The following ZNF566 variants were observed in gnomAD, a reference collection of about 807,000 sequenced individuals.
ZNF566 encodes the protein zinc finger protein 566.
A neutral mutation model predicts 32.8 loss-of-function variants in ZNF566; 27 were observed. That is an observed-to-expected ratio of 0.82 (90% CI 0.61 to 1.14). The LOEUF (loss-of-function observed/expected upper bound fraction) is 1.14, where lower values mean the gene tolerates loss of function less well. Among genes scored for constraint, ZNF566 ranks in the 50% most tolerant of loss-of-function variants. ZNF566 has a pLI of 0.00. For missense variants in ZNF566, 402 were observed against 490.4 expected (o/e 0.82, Z 1.70); for synonymous variants, 154 against 159.5 (o/e 0.97, Z 0.26).
intron 1 of ZNF566, among the ~76,000 whole-genome samples, chr19:36,485,791 C>T (rs549052044): frequency 1.3e-3 from 189 of 150,164 alleles, no homozygotes; most frequent in Non-Finnish European, 2.2e-3. Flanking sequence ...CGCGGTGGCT[C>T]ACGCCTGTAA....
At position 36,449,113 on chromosome 19, in the gene ZNF566, T is replaced by C; in HGVS notation, c.1121A>G (p.Lys374Arg). 6.2e-7 allele frequency: 1 copy of C among 1,614,158 alleles called. No homozygotes were observed. The highest frequency in any genetic ancestry group is 1.1e-5 in the South Asian group (1 of 91,078). ...AAGCTGTGAACTCTGAGAATAAGCC[T>C]TCCCACATATCTTACATTCATAGGG... ...EKPYECKICG[K>R]AYSQSSQLIS... Residue 374 changes from lysine to arginine, a missense_variant, in exon 5 of 5, where the codon AAG becomes AGG. Coordinates refer to ENST00000452939, the MANE Select transcript of ZNF566 (RefSeq NM_001145344.1).
At chr19:36,461,115 C>T (rs2033449804) in intron 4 of ZNF566, among the ~76,000 whole-genome samples, 1 of 152,162 alleles carries the variant, frequency 6.6e-6, no homozygotes, top group African/African-American at 2.4e-5. Flanking sequence ...GGGTTAAGTG[C>T]TTGTTAAATC....
At chr19:36,463,686 G>C (rs1230319761) in intron 4 of ZNF566, among the ~76,000 whole-genome samples, 1 of 150,480 alleles carries the variant, frequency 6.6e-6, no homozygotes, top group African/African-American at 2.5e-5. Flanking sequence ...GGGACAACAG[G>C]TGTGCGCCAC....
intron 4 of ZNF566, among the ~76,000 whole-genome samples, chr19:36,464,503 A>G (rs893352121): frequency 6.6e-6 from 1 of 151,806 alleles, no homozygotes; most frequent in Admixed American, 6.6e-5. Context: ...ATCTCATACT[A>G]TTCATAAAAA....
At chr19:36,450,488 T>G (rs186238892) in intron 4 of ZNF566, among the ~76,000 whole-genome samples, 1 of 151,864 alleles carries the variant, frequency 6.6e-6, no homozygotes, top group Admixed American at 6.6e-5. Context: ...ACTAAAAATA[T>G]AAAAATCTAG....
intron 2 of ZNF566, 48 bp downstream of exon 2, chr19:36,476,501 C>T: frequency 6.5e-7 from 1 of 1,526,832 alleles, no homozygotes; most frequent in South Asian, 1.1e-5. Flanking sequence ...TTTACAGTTA[C>T]TAGAAGTAAA....
intron 4 of ZNF566, among the ~76,000 whole-genome samples, chr19:36,471,697 C>G (rs531051076): frequency 1.3e-5 from 2 of 151,980 alleles, no homozygotes; most frequent in African/African-American, 2.4e-5. Context: ...ATTTTCATGT[C>G]TCTCCCTACA....
At chr19:36,459,539 T>C (rs2033406730) in intron 4 of ZNF566, among the ~76,000 whole-genome samples, 1 of 149,280 alleles carries the variant, frequency 6.7e-6, no homozygotes, top group Non-Finnish European at 1.5e-5. Context: ...TGAGACAGTT[T>C]TGCTCTTGTT....
At chr19:36,479,879 T>G (rs1230802461) in intron 1 of ZNF566, among the ~76,000 whole-genome samples, 1 of 152,146 alleles carries the variant, frequency 6.6e-6, no homozygotes, top group Non-Finnish European at 1.5e-5. Context: ...TTTGTTTTGG[T>G]AGAGACAGGG....
rs898152356 is a variant in ZNF566 at position 36,447,686 on chromosome 19, G to A, written c.*1291C>T. ...TTATGTTCTCTTTTCTTTTTTACTG[G>A]GTATATAATGCGACAAAAAGAGTAT... On this transcript the variant is annotated 3_prime_UTR_variant, in exon 5 of 5. Transcript: ENST00000452939. 3 of 151,328 alleles carry A rather than the reference G, an allele frequency of 2.0e-5. No homozygotes were observed. Among genetic ancestry groups the A allele is most frequent in the Non-Finnish European group, 4.4e-5 (3 of 67,888 alleles). 9.4% of individuals were successfully genotyped at this position (151,328 alleles called of 1,614,324 possible).
At chr19:36,467,813 A>G (rs1320710689) in intron 4 of ZNF566, among the ~76,000 whole-genome samples, 2 of 144,722 alleles carry the variant, frequency 1.4e-5, no homozygotes, top group Non-Finnish European at 3.0e-5. Flanking sequence ...AAAAAAAAAA[A>G]AAAAAAAAAA....
chr19:36,485,599 T>C (rs2034142016), intron 1 of ZNF566, among the ~76,000 whole-genome samples: 1 of 150,642 alleles, frequency 6.6e-6, no homozygotes, highest in African/African-American at 2.4e-5. Flanking sequence ...CCATCTCTAC[T>C]AAAAATACAA....
chr19:36,451,814 T>A (rs918743317), intron 4 of ZNF566, among the ~76,000 whole-genome samples: 1 of 152,168 alleles, frequency 6.6e-6, no homozygotes, highest in Non-Finnish European at 1.5e-5. Flanking sequence ...GAGACCAGCC[T>A]GACCAACATG....
intron 4 of ZNF566, among the ~76,000 whole-genome samples, chr19:36,463,428 C>T (rs2033529206): frequency 6.6e-6 from 1 of 151,220 alleles, no homozygotes; most frequent in Non-Finnish European, 1.5e-5. Flanking sequence ...GAAATACCAT[C>T]AAGAAGGCCT....
intron 1 of ZNF566, among the ~76,000 whole-genome samples, chr19:36,484,615 A>C (rs371909135): frequency 9.2e-5 from 10 of 108,944 alleles, no homozygotes; most frequent in African/African-American, 3.2e-4. Context: ...TTTGAGATGG[A>C]GTCTCGCTCT....
intron 1 of ZNF566, among the ~76,000 whole-genome samples, chr19:36,478,284 G>A (rs1252188174): frequency 6.6e-6 from 1 of 152,030 alleles, no homozygotes; most frequent in African/African-American, 2.4e-5. Context: ...CAACCAAATA[G>A]CCTATGATAT....
At position 36,461,695 on chromosome 19, in the gene ZNF566, A is replaced by C. The variant is rs142828619; in HGVS notation, c.232+11216T>G. Among the ~76,000 whole-genome samples the C allele has an allele frequency of 2.6e-3, 398 of 152,074 alleles. 1 individual carries two copies. Among genetic ancestry groups the C allele is most frequent in the African/African-American group, 9.1e-3 (376 of 41,494 alleles). The stretch of plus-strand genomic sequence containing the variant: ...CAGAAAAAATAAAATAAAATAAAAT[A>C]AAAAAATAAAATAAATCCTATGGAG... On this transcript the variant is annotated intron_variant, in intron 4 of 4. Transcript: ENST00000452939.
chr19:36,477,023 CTTTTT>C (rs2033903895), intron 1 of ZNF566, among the ~76,000 whole-genome samples: 1 of 150,104 alleles, frequency 6.7e-6, no homozygotes, highest in African/African-American at 2.4e-5. Flanking sequence ...TTTTTCTTTT[CTTTTT>C]GAGACAGAGT....
At chr19:36,485,183 C>A (rs1037916518) in intron 1 of ZNF566, among the ~76,000 whole-genome samples, 1 of 151,206 alleles carries the variant, frequency 6.6e-6, no homozygotes, top group Admixed American at 6.6e-5. Context: ...TGTGGCAATC[C>A]CAGCATTTTG....
Sources: allele counts gnomAD v4.1 joint callset (sites outside exome capture counted in the v4.1 genomes callset), GRCh38; gene constraint gnomAD v4.1.1; transcripts MANE v1.5; gene names NCBI Gene and HGNC (gene_info 2026-07-23, HGNC 2026-07-21).